Variants in LAMP2 observed in about 807,000 individuals in gnomAD.
LAMP2 encodes the protein lysosome associated membrane protein 2.
Under a neutral mutation model 25.6 loss-of-function variants are expected in LAMP2, and 4 were observed. That is an observed-to-expected ratio of 0.16 (90% confidence interval 0.08 to 0.36). The LOEUF (loss-of-function observed/expected upper bound fraction) is 0.36. LAMP2 is among the 10% of genes least tolerant of loss of function. The pLI, the probability that LAMP2 is intolerant of heterozygous loss-of-function variation, is 1.00. For synonymous variants in LAMP2, 108 were observed against 112.7 expected, an observed-to-expected ratio of 0.96 and a Z score of 0.27; for missense variants, 272 against 301.4, an observed-to-expected ratio of 0.90 and a Z score of 0.72.
At position 120,428,352 on chromosome X, in the gene LAMP2, C is replaced by T; in HGVS notation, c.*2971G>A. ...TGTCTTAAATAAGTGTACTCATGCC[C>T]AAGTTAGCTAGGAACTCACTGAAGT... On this transcript the variant is annotated 3_prime_UTR_variant, in exon 9 of 9. Coordinates refer to ENST00000200639, the MANE Select transcript of LAMP2 (RefSeq NM_002294.3). 1 of 884,130 alleles carries T rather than the reference C, an allele frequency of 1.1e-6. No individual in the cohort carries two copies. Among genetic ancestry groups the T allele is most frequent in the East Asian group, 3.9e-5 (1 of 25,795 alleles). 72.9% of individuals were successfully genotyped at this position (884,130 alleles called of 1,213,427 possible). A position where few individuals can be genotyped will look rare whatever the true frequency, so the allele number is the denominator to read the frequency against.
chrX:120,453,033 A>T (rs1445691192), intron 3 of LAMP2, among the ~76,000 whole-genome samples: 4 of 111,008 alleles, frequency 3.6e-5, no homozygotes, highest in African/African-American at 1.3e-4. Context: ...ACAACAACAA[A>T]ATCAGACTGA....
intron 8 of LAMP2, chrX:120,438,692 T>TCACA (rs67522937): frequency 0.019 from 12,256 of 653,200 alleles, 167 homozygotes; most frequent in African/African-American, 0.1. Context: ...CAAACAAAAA[T>TCACA]CACACACACA....
At chrX:120,441,052 T>C (rs1253073982) in intron 8 of LAMP2, among the ~76,000 whole-genome samples, 1 of 112,533 alleles carries the variant, frequency 8.9e-6, no homozygotes, top group Non-Finnish European at 1.9e-5. Context: ...CCCCCAATTT[T>C]AGGTAATAGG....
intron 8 of LAMP2, among the ~76,000 whole-genome samples, chrX:120,432,970 T>C (rs1170542632): frequency 2.8e-5 from 3 of 108,545 alleles, no homozygotes; most frequent in African/African-American, 6.7e-5. Flanking sequence ...CAAGTGGCTA[T>C]ATGAACCTAA....
chrX:120,462,490 C>A (rs1348056254), intron 1 of LAMP2, among the ~76,000 whole-genome samples: 1 of 99,169 alleles, frequency 1.0e-5, no homozygotes, highest in Non-Finnish European at 2.0e-5. Context: ...CCACTGCACT[C>A]CAGCTGGGGG....
In LAMP2 at chrX:120,439,496, ATTTG is replaced by A. The variant is rs68126940; in HGVS notation, c.1093+2230_1093+2233del. ...ATTCTAAGACTTTCTTTGTCCTTTC[ATTTG>A]TTTATGTGTATATATGCAGATATTC... On this transcript the variant is annotated intron_variant, in intron 8 of 8. Transcript: ENST00000200639. 0.085 allele frequency among the ~76,000 whole-genome samples: 9,310 copies of A among 110,142 alleles called. 974 individuals are homozygous for A. The highest frequency in any genetic ancestry group is 0.29 in the African/African-American group (8,622 of 30,053).
At position 120,447,885 on chromosome X, in the gene LAMP2, G is replaced by A; in HGVS notation, c.697C>T (p.Leu233=). ...AGCTGCAGCCCCATGGTAGCCAGCA[G>A]ACAAGTATCATTGCCATTATTAACT... ...YSVNNGNDTC[L]LATMGLQLNI... Residue 233 remains leucine (L), a synonymous_variant, in exon 5 of 9, where the codon CTG becomes TTG. Coordinates refer to ENST00000200639, the MANE Select transcript of LAMP2 (RefSeq NM_002294.3). 1 of 1,211,307 alleles carries A rather than the reference G, an allele frequency of 8.3e-7. No individual in the cohort carries two copies. The highest frequency in any genetic ancestry group is 1.1e-6 in the Non-Finnish European group (1 of 895,016).
At chrX:120,462,156 A>G (rs1422021010) in intron 1 of LAMP2, among the ~76,000 whole-genome samples, 5 of 111,443 alleles carry the variant, frequency 4.5e-5, no homozygotes, top group African/African-American at 1.6e-4. Flanking sequence ...GTATGCCTCA[A>G]AATCAACCGT....
Position 120,430,300 on chromosome X carries a change from A to T in LAMP2, c.*1023T>A, listed in dbSNP as rs2058517709. On this transcript the variant is annotated 3_prime_UTR_variant, in exon 9 of 9. Coordinates refer to ENST00000200639, the MANE Select transcript of LAMP2 (RefSeq NM_002294.3). ...GCCAACAGCTTCTCTTTACACCCCC[A>T]TCTATGCACTGCCCCACAGGGGCCA... The T allele has an allele frequency of 1.1e-5, 8 of 754,266 alleles. No individual in the cohort carries two copies. The South Asian group carries it at 4.7e-4, about 44-fold the overall frequency. The allele number at this position is 754,266 out of a possible 1,213,427, so 62.2% of individuals were successfully genotyped here. A position where few individuals can be genotyped will look rare whatever the true frequency, so the allele number is the denominator to read the frequency against.
chrX:120,442,619 A>T lies in LAMP2; in HGVS notation c.908T>A (p.Met303Lys), dbSNP rs2058578544. The T allele has an allele frequency of 6.6e-6, 8 of 1,209,746 alleles. No homozygotes were observed. The East Asian group carries it at 2.4e-4, about 36-fold the overall frequency. Residue 303 changes from methionine (M) to lysine (K), a missense_variant, in exon 7 of 9, where the codon ATG becomes AAG. Met to Lys is a moderately conservative substitution (Grantham distance 95, BLOSUM62 -1). Coordinates refer to ENST00000200639, the MANE Select transcript of LAMP2 (RefSeq NM_002294.3). ...RFYLKEVNISMYLVNGSVFSI... is the reference protein window; with the variant it reads ...RFYLKEVNISKYLVNGSVFSI... The stretch of plus-strand genomic sequence containing the variant: ...CTTACCGGAGCCATTAACCAAATAC[A>T]TGCTGATGTTCACTTCCTTCAGATA...
intron 8 of LAMP2, among the ~76,000 whole-genome samples, chrX:120,439,539 C>G (rs749267545): frequency 7.3e-5 from 8 of 109,607 alleles, no homozygotes; most frequent in Non-Finnish European, 1.5e-4. Context: ...TATATGAATA[C>G]ATGTATATTC....
chrX:120,450,866 T>TTA (rs769075890), intron 3 of LAMP2, among the ~76,000 whole-genome samples: 15 of 109,019 alleles, frequency 1.4e-4, no homozygotes, highest in East Asian at 1.1e-3. Flanking sequence ...TATATAATCT[T>TTA]TATATATATA....
rs2058508873 is a variant in LAMP2 at position 120,428,749 on chromosome X, T to A, written c.*2574A>T. 1 of 1,053,449 alleles carries A rather than the reference T, an allele frequency of 9.5e-7. No individual in the cohort carries two copies. Among genetic ancestry groups the A allele is most frequent in the Non-Finnish European group, 1.2e-6 (1 of 821,026 alleles). 86.8% of individuals were successfully genotyped at this position (1,053,449 alleles called of 1,213,427 possible). ...TAGCTTAGTTTTTTATAGCATTACC[T>A]CTATTTTCTTATTTGCTCAATATCT... On this transcript the variant is annotated 3_prime_UTR_variant, in exon 9 of 9. Coordinates refer to ENST00000200639, the MANE Select transcript of LAMP2 (RefSeq NM_002294.3).
At position 120,429,128 on chromosome X, in the gene LAMP2, ATGTG is replaced by A. The variant is rs1207970317; in HGVS notation, c.*2191_*2194del. ...TATATATATGTATATGTGTATATAT[ATGTG>A]TGTGTGTATATATATGTGTGTGTGT... On this transcript the variant is annotated 3_prime_UTR_variant, in exon 9 of 9. Coordinates refer to ENST00000200639, the MANE Select transcript of LAMP2 (RefSeq NM_002294.3). 2,410 of 647,582 alleles carry A rather than the reference ATGTG, an allele frequency of 3.7e-3. 9 individuals carry two copies. The highest frequency in any genetic ancestry group is 4.1e-3 in the Non-Finnish European group (2,256 of 547,455). The allele number at this position is 647,582 out of a possible 1,213,427, so 53.4% of individuals were successfully genotyped here.
rs730880475 is a variant in LAMP2 at position 120,447,977 on chromosome X, T to G, written c.605A>C (p.His202Pro). 1.3e-5 allele frequency: 16 copies of G among 1,208,107 alleles called. No homozygotes were observed. Among genetic ancestry groups the G allele is most frequent in the Non-Finnish European group, 1.6e-5 (14 of 894,055 alleles). Reference protein sequence around the residue: ...DKTSTVAPTIHTTVPSPTTTP... With the variant: ...DKTSTVAPTIPTTVPSPTTTP... ...TGTAGTAGGAGATGGCACAGTGGTG[T>G]GTATGGTGGGTGCCACTGTTGAAGT... is the stretch of plus-strand genomic sequence containing the variant. The change falls in exon 5 of 9, where the codon CAC becomes CCC. Residue 202 changes from histidine (H) to proline (P), a missense_variant. His to Pro is a moderately conservative substitution (Grantham distance 77). Transcript: ENST00000200639.
intron 1 of LAMP2, among the ~76,000 whole-genome samples, chrX:120,460,196 C>T (rs1291143655): frequency 9.1e-6 from 1 of 109,952 alleles, no homozygotes; most frequent in African/African-American, 3.3e-5. Context: ...TCGCTTGAAC[C>T]TGTGAGGTAG....
intron 3 of LAMP2, among the ~76,000 whole-genome samples, chrX:120,453,537 C>T (rs780248547): frequency 4.5e-5 from 5 of 112,131 alleles, no homozygotes; most frequent in African/African-American, 1.3e-4. Flanking sequence ...CGACCACGTG[C>T]GGTGGCTCAC....
At chrX:120,443,354 T>C (rs893861011) in intron 6 of LAMP2, among the ~76,000 whole-genome samples, 1 of 111,710 alleles carries the variant, frequency 9.0e-6, no homozygotes, top group Admixed American at 9.5e-5. Flanking sequence ...AGCAAGAGTA[T>C]AAATAACGGT....
rs368937075 is a variant in LAMP2 at position 120,428,529 on chromosome X, A to G, written c.*2794T>C. ...TACGACTTTTCCTTCTTCCAATCAT[A>G]TAAGAGATAAAGACAACAATTATAA... On this transcript the variant is annotated 3_prime_UTR_variant, in exon 9 of 9. Coordinates refer to ENST00000200639, the MANE Select transcript of LAMP2 (RefSeq NM_002294.3). 1.1e-4 allele frequency: 129 copies of G among 1,199,971 alleles called. No homozygotes were observed. Among genetic ancestry groups the G allele is most frequent in the Middle Eastern group, 4.6e-4 (2 of 4,343 alleles).
Sources: gnomAD v4.1 joint callset for allele counts (sites outside exome capture counted in the v4.1 genomes callset) on GRCh38, gnomAD v4.1.1 for gene constraint, MANE v1.5 for transcripts, NCBI Gene and HGNC (gene_info 2026-07-23, HGNC 2026-07-21) for gene names.